SGTB: variants seen among roughly 807,000 people sequenced by gnomAD.
SGTB encodes the protein small glutamine-rich tetratricopeptide repeat-containing protein beta.
A neutral mutation model predicts 43.9 loss-of-function variants in SGTB; 19 were observed. That is an observed-to-expected ratio of 0.43 (90% confidence interval 0.30 to 0.63). SGTB has a LOEUF of 0.63. SGTB is among the 30% of genes least tolerant of loss of function. SGTB has a pLI of 0.12. For synonymous variants in SGTB, 116 were observed against 117.3 expected (o/e 0.99, Z 0.07); for missense variants, 304 against 358.9 (o/e 0.85, Z 1.24).
intron 5 of SGTB, among the ~76,000 whole-genome samples, chr5:65,686,040 G>A (rs1757491391): frequency 6.6e-6 from 1 of 152,140 alleles, no homozygotes; most frequent in African/African-American, 2.4e-5. Flanking sequence ...AAGAACACTT[G>A]CCTAGATCAA....
chr5:65,708,529 C>T lies in SGTB; in HGVS notation c.234G>A (p.Val78=). Residue 78 remains valine (V), a synonymous_variant, in exon 4 of 11, where the codon GTG becomes GTA. Coordinates refer to ENST00000381007, the MANE Select transcript of SGTB (RefSeq NM_019072.3). ...GGTCAGCTTTTCCCACATCTTCAGG[C>T]ACTGAGTTTGAAAGGGGCAGAACGT... The part of the protein sequence containing the change: ...KNDVLPLSNS[V]PEDVGKADQL... 2 of 1,613,434 alleles carry T rather than the reference C, an allele frequency of 1.2e-6. No homozygotes were observed. The highest frequency in any genetic ancestry group is 1.7e-6 in the Non-Finnish European group (2 of 1,179,770).
intron 4 of SGTB, 58 bp from the exon 5 acceptor site, chr5:65,704,436 CT>C: frequency 8.0e-7 from 1 of 1,243,498 alleles, no homozygotes; most frequent in Non-Finnish European, 1.1e-6. Flanking sequence ...AACATACACT[CT>C]TATAGACACA....
intron 5 of SGTB, among the ~76,000 whole-genome samples, chr5:65,699,167 T>C (rs1196904154): frequency 6.6e-6 from 1 of 152,206 alleles, no homozygotes; most frequent in Non-Finnish European, 1.5e-5. Context: ...AAAGAAGATG[T>C]GGTATATATG....
rs551252377 is a variant in SGTB at position 65,715,451 on chromosome 5, C to T, written c.101-2387G>A. 3.3e-5 allele frequency among the ~76,000 whole-genome samples: 5 copies of T among 152,288 alleles called. No homozygotes were observed. In the South Asian group the frequency reaches 6.2e-4, roughly 19 times the overall value. On this transcript the variant is annotated intron_variant, in intron 2 of 10. Transcript: ENST00000381007. Reference sequence around the variant, plus strand: ...CATTCGCTGATTCAGATTCTCTTCACAAATATATTGGCTGCAAGGAAGGCA... The same window carrying T: ...CATTCGCTGATTCAGATTCTCTTCATAAATATATTGGCTGCAAGGAAGGCA...
chr5:65,671,994 A>T lies in SGTB; in HGVS notation c.724T>A (p.Ser242Thr). 1 of 1,613,942 alleles carries T rather than the reference A, an allele frequency of 6.2e-7. No individual in the cohort carries two copies. Among genetic ancestry groups the T allele is most frequent in the African/African-American group, 1.3e-5 (1 of 75,042 alleles). Residue 242 changes from serine (S) to threonine (T), a missense_variant, in exon 10 of 11, where the codon TCA becomes ACA. Physicochemically the swap from Ser to Thr is moderately conservative, Grantham distance 58. Transcript: ENST00000381007. The stretch of plus-strand genomic sequence containing the variant: ...CCAATGGCATTTGTCATCATTCCTG[A>T]CATTCTAGAGTACACAAGAAATACA... ...MQNPQVQQLMSGMMTNAIGGP... is the reference protein window; with the variant it reads ...MQNPQVQQLMTGMMTNAIGGP...
chr5:65,675,109 T>C (rs1478876325), intron 8 of SGTB, among the ~76,000 whole-genome samples: 1 of 152,234 alleles, frequency 6.6e-6, no homozygotes, highest in African/African-American at 2.4e-5. Flanking sequence ...GAGCTTGATA[T>C]GCCCTGGTAA....
intron 6 of SGTB, among the ~76,000 whole-genome samples, chr5:65,683,182 A>C (rs1259854644): frequency 6.6e-6 from 1 of 151,974 alleles, no homozygotes; most frequent in East Asian, 1.9e-4. Flanking sequence ...GGGCCACTGT[A>C]AACAGCAAAA....
intron 6 of SGTB, among the ~76,000 whole-genome samples, chr5:65,684,147 C>T (rs942828504): frequency 8.6e-5 from 13 of 151,656 alleles, no homozygotes; most frequent in Admixed American, 5.3e-4. Flanking sequence ...TGCAGTGACA[C>T]GATCACGGCT....
rs1019379667 is a variant in SGTB at position 65,690,040 on chromosome 5, G to A, written c.375-4568C>T. Among the ~76,000 whole-genome samples, 5 of 148,094 alleles carry A rather than the reference G, an allele frequency of 3.4e-5. No homozygotes were observed. The Admixed American group carries it at 3.4e-4, about 10-fold the overall frequency. ...AGGACAAGAATAACCATTAGAAGAA[G>A]AGATATAGGATGTGTAACTTCCAAA... On this transcript the variant is annotated intron_variant, in intron 5 of 10. Coordinates refer to ENST00000381007, the MANE Select transcript of SGTB (RefSeq NM_019072.3).
At chr5:65,712,091 T>G (rs1758055313) in intron 3 of SGTB, among the ~76,000 whole-genome samples, 1 of 151,948 alleles carries the variant, frequency 6.6e-6, no homozygotes, top group African/African-American at 2.4e-5. Flanking sequence ...CCGTCGCTAC[T>G]AAAAAACAAA....
At position 65,680,851 on chromosome 5, in the gene SGTB, C is replaced by A. The variant is rs905665401; in HGVS notation, c.480-57G>T. 9.1e-6 allele frequency: 14 copies of A among 1,540,570 alleles called. No individual in the cohort carries two copies. The Admixed American group carries it at 2.6e-4, about 28-fold the overall frequency. On this transcript the variant is annotated intron_variant, in intron 6 of 10. Coordinates refer to ENST00000381007, the MANE Select transcript of SGTB (RefSeq NM_019072.3). ...ATATGATTAAAGAACATCAGGACATCACAAACATCGTCAAACGTCTGTCTG... is the reference window on the plus strand; with the variant it reads ...ATATGATTAAAGAACATCAGGACATAACAAACATCGTCAAACGTCTGTCTG...
chr5:65,699,185 T>C (rs1180549949), intron 5 of SGTB, among the ~76,000 whole-genome samples: 1 of 152,204 alleles, frequency 6.6e-6, no homozygotes, highest in East Asian at 1.9e-4. Flanking sequence ...ATGTATATAC[T>C]ATGGAATACT....
intron 9 of SGTB, 108 bp from the exon 10 acceptor site, chr5:65,672,106 G>A: frequency 1.3e-6 from 2 of 1,564,958 alleles, no homozygotes; most frequent in South Asian, 1.1e-5. Flanking sequence ...CAGAGGCTAG[G>A]CCAAATGTGT....
chr5:65,720,669 T>C, intron 2 of SGTB, 39 bp downstream of exon 2: 1 of 1,586,000 alleles, frequency 6.3e-7, no homozygotes, highest in South Asian at 1.2e-5. Context: ...TCTTCGTTTA[T>C]AATTATAATA....
chr5:65,705,321 G>GTACA (rs952652293), intron 4 of SGTB, among the ~76,000 whole-genome samples: 1 of 152,068 alleles, frequency 6.6e-6, no homozygotes, highest in African/African-American at 2.4e-5. Context: ...AGGCGCAGTG[G>GTACA]TACACACTTG....
intron 5 of SGTB, among the ~76,000 whole-genome samples, chr5:65,699,441 A>G (rs1757771774): frequency 1.3e-5 from 2 of 152,244 alleles, no homozygotes. Flanking sequence ...TACAATGTAC[A>G]CTACTCGGGT....
chr5:65,675,473 T>C (rs985642279), intron 8 of SGTB, among the ~76,000 whole-genome samples: 30 of 152,160 alleles, frequency 2.0e-4, no homozygotes, highest in African/African-American at 6.5e-4. Flanking sequence ...AATGCACACA[T>C]ACACATGTAC....
In SGTB at chr5:65,666,732, A is replaced by C. The variant is rs1263157032; in HGVS notation, c.*3514T>G. The C allele has an allele frequency of 1.3e-5, 2 of 152,212 alleles. No homozygotes were observed. The highest frequency in any genetic ancestry group is 2.9e-5 in the Non-Finnish European group (2 of 68,008). The allele number at this position is 152,212 out of a possible 1,614,324, so 9.4% of individuals were successfully genotyped here. A position where few individuals can be genotyped will look rare whatever the true frequency, so the allele number is the denominator to read the frequency against. On this transcript the variant is annotated 3_prime_UTR_variant, in exon 11 of 11. Transcript: ENST00000381007. ...TGGAAATGTAGGCAAGTGGACAGAT[A>C]GCATCTAGATTGAATTTGTTACAGG...
rs779731391 is a variant in SGTB at position 65,685,482 on chromosome 5, A to G, written c.375-10T>C. ...GCTCTGAGCAGCAGCCCTAAGAGAA[A>G]GAAAACAGAATTTTATTAAAGGCAG... is the stretch of plus-strand genomic sequence containing the variant. On this transcript the variant is annotated splice_polypyrimidine_tract_variant and intron_variant, in intron 5 of 10. Transcript: ENST00000381007. 4 of 1,612,274 alleles carry G rather than the reference A, an allele frequency of 2.5e-6. No individual in the cohort carries two copies. Among genetic ancestry groups the G allele is most frequent in the Non-Finnish European group, 3.4e-6 (4 of 1,179,154 alleles).
Sources: gnomAD v4.1 joint callset for allele counts (sites outside exome capture counted in the v4.1 genomes callset) on GRCh38, gnomAD v4.1.1 for gene constraint, MANE v1.5 for transcripts, NCBI Gene and HGNC (gene_info 2026-07-23, HGNC 2026-07-21) for gene names.